Variants in ESRRG observed in about 807,000 individuals in gnomAD.
ESRRG encodes the protein estrogen-related receptor gamma.
ESRRG carries 13 observed loss-of-function variants against 44.0 expected under a neutral mutation model. That is an observed-to-expected ratio of 0.30 (90% CI 0.19 to 0.47). The LOEUF is 0.47. Among genes scored for constraint, ESRRG ranks in the 20% least tolerant of loss-of-function variants. The pLI is 1.00. For synonymous variants in ESRRG, 215 were observed against 214.6 expected (o/e 1.00, Z -0.02); for missense variants, 395 against 580.6 (o/e 0.68, Z 3.29).
intron 1 of ESRRG, among the ~76,000 whole-genome samples, chr1:216,715,538 C>G (rs2084666143): frequency 2.0e-5 from 3 of 152,008 alleles, no homozygotes; most frequent in African/African-American, 7.2e-5. Context: ...AGTTAATGTA[C>G]TAGGATAATT....
At chr1:216,577,928 C>T (rs1223054086) in intron 3 of ESRRG, among the ~76,000 whole-genome samples, 1 of 151,950 alleles carries the variant, frequency 6.6e-6, no homozygotes, top group African/African-American at 2.4e-5. Context: ...TAGGGGAAAA[C>T]TTTATCTCTG....
At chr1:216,698,384 T>TG (rs1396718951) in intron 1 of ESRRG, among the ~76,000 whole-genome samples, 5 of 151,468 alleles carry the variant, frequency 3.3e-5, no homozygotes, top group Non-Finnish European at 7.4e-5. Flanking sequence ...CCGGGCGTGG[T>TG]GGGGGGCGCC....
intron 1 of ESRRG, among the ~76,000 whole-genome samples, chr1:217,135,244 C>A (rs2093032480): frequency 2.6e-5 from 4 of 151,850 alleles, no homozygotes. Context: ...TCCCCCTCCT[C>A]ACCCCCTGCT....
intron 3 of ESRRG, among the ~76,000 whole-genome samples, chr1:216,598,328 G>T (rs2058726190): frequency 6.6e-6 from 1 of 152,284 alleles, no homozygotes; most frequent in Non-Finnish European, 1.5e-5. Context: ...GTGGACTGTG[G>T]CTGCTACATG....
intron 1 of ESRRG, among the ~76,000 whole-genome samples, chr1:216,718,939 G>T (rs2085529293): frequency 6.6e-6 from 1 of 151,906 alleles, no homozygotes; most frequent in African/African-American, 2.4e-5. Context: ...ATATTAATTG[G>T]TTTAATAGAA....
At chr1:216,565,290 G>T (rs970284464) in intron 4 of ESRRG, among the ~76,000 whole-genome samples, 1 of 152,058 alleles carries the variant, frequency 6.6e-6, no homozygotes, top group Non-Finnish European at 1.5e-5. Flanking sequence ...TTTCTTGTTG[G>T]CCCTATTTTC....
intron 6 of ESRRG, among the ~76,000 whole-genome samples, chr1:216,508,724 T>C (rs1048144812): frequency 4.6e-5 from 7 of 152,164 alleles, no homozygotes; most frequent in East Asian, 3.9e-4. Context: ...CAGAAAAACA[T>C]TCATAGAGAT....
chr1:217,121,119 T>TATATATAC (rs996002965), intron 1 of ESRRG, among the ~76,000 whole-genome samples: 1 of 148,346 alleles, frequency 6.7e-6, no homozygotes, highest in African/African-American at 2.5e-5. Flanking sequence ...TCTTGAAGAA[T>TATATATAC]ACACACACAC....
chr1:216,783,107 G>GA (rs2093994553), intron 2 of ESRRG, among the ~76,000 whole-genome samples: 1 of 151,934 alleles, frequency 6.6e-6, no homozygotes, highest in African/African-American at 2.4e-5. Flanking sequence ...CGGTGGCTGG[G>GA]ATTCCATGGG....
intron 1 of ESRRG, among the ~76,000 whole-genome samples, chr1:217,039,697 C>T (rs2083500847): frequency 6.6e-6 from 1 of 152,184 alleles, no homozygotes; most frequent in South Asian, 2.1e-4. Flanking sequence ...TTCACTAAAT[C>T]CATTATAAGT....
chr1:216,815,982 C>A (rs2095124365), intron 2 of ESRRG, among the ~76,000 whole-genome samples: 1 of 152,134 alleles, frequency 6.6e-6, no homozygotes, highest in Non-Finnish European at 1.5e-5. Flanking sequence ...TTGCTGGCAG[C>A]CTGGATACCA....
chr1:217,049,540 AAG>A (rs2085512648), intron 1 of ESRRG, among the ~76,000 whole-genome samples: 1 of 152,226 alleles, frequency 6.6e-6, no homozygotes, highest in African/African-American at 2.4e-5. Flanking sequence ...TTGTTTTGAG[AAG>A]GTGCTAAGGC....
chr1:216,837,605 G>T (rs142446748), intron 2 of ESRRG, among the ~76,000 whole-genome samples: 173 of 152,128 alleles, frequency 1.1e-3, no homozygotes, highest in African/African-American at 4.0e-3. Flanking sequence ...AAGATCCCCT[G>T]GTCATCAAGA....
At chr1:216,987,324 C>T (rs538741120) in intron 1 of ESRRG, among the ~76,000 whole-genome samples, 76 of 152,302 alleles carry the variant, frequency 5.0e-4, no homozygotes, top group African/African-American at 1.8e-3. Context: ...AAGCCATCAA[C>T]CTATGAAGGA....
chr1:216,675,237 G>A (rs2075887098), intron 2 of ESRRG, among the ~76,000 whole-genome samples: 1 of 151,986 alleles, frequency 6.6e-6, no homozygotes, highest in Non-Finnish European at 1.5e-5. Context: ...GTGCATGCCT[G>A]TAATCCCAGC....
chr1:216,782,384 T>C (rs2093967449), intron 2 of ESRRG, among the ~76,000 whole-genome samples: 1 of 152,148 alleles, frequency 6.6e-6, no homozygotes, highest in East Asian at 1.9e-4. Context: ...TTTCCCTGTA[T>C]ATATTAATAT....
intron 1 of ESRRG, among the ~76,000 whole-genome samples, chr1:216,966,553 C>T (rs906742900): frequency 6.6e-6 from 1 of 152,136 alleles, no homozygotes; most frequent in African/African-American, 2.4e-5. Context: ...GGTGCAGGCT[C>T]ACCTGTAAGG....
At chr1:216,860,148 C>A (rs2096024007) in intron 2 of ESRRG, among the ~76,000 whole-genome samples, 1 of 152,134 alleles carries the variant, frequency 6.6e-6, no homozygotes, top group Non-Finnish European at 1.5e-5. Flanking sequence ...GTCTGTAATC[C>A]CAGCTATTCA....
At chr1:216,641,699 C>T (rs1349263048) in intron 3 of ESRRG, among the ~76,000 whole-genome samples, 1 of 152,232 alleles carries the variant, frequency 6.6e-6, no homozygotes, top group Non-Finnish European at 1.5e-5. Flanking sequence ...ACACAGACCC[C>T]TAAATAGAGT....
Sources: gnomAD v4.1 joint callset for allele counts (sites outside exome capture counted in the v4.1 genomes callset) on GRCh38, gnomAD v4.1.1 for gene constraint, MANE v1.5 for transcripts, NCBI Gene and HGNC (gene_info 2026-07-23, HGNC 2026-07-21) for gene names.